Variants in ELMO1 observed in about 807,000 individuals in gnomAD.
ELMO1 encodes engulfment and cell motility 1, also known as engulfment and cell motility protein 1.
Under a neutral mutation model 98.9 loss-of-function variants are expected in ELMO1, and 26 were observed. That is an observed-to-expected ratio of 0.26 (90% CI 0.19 to 0.36). The LOEUF is 0.36. Among genes scored for constraint, ELMO1 ranks in the 10% least tolerant of loss-of-function variants. The probability of loss-of-function intolerance (pLI) is 1.00; values close to 1 mark genes in which losing one functional copy is unlikely to be tolerated. For synonymous variants in ELMO1, 346 were observed against 346.0 expected (o/e 1.00, Z 0.00); for missense variants, 627 against 935.2 (o/e 0.67, Z 4.30).
chr7:36,974,933 C>T (rs1790394252), intron 16 of ELMO1, among the ~76,000 whole-genome samples: 1 of 152,106 alleles, frequency 6.6e-6, no homozygotes, highest in South Asian at 2.1e-4. Flanking sequence ...CAACTTCACT[C>T]CTGAGCCAGC....
chr7:37,360,097 C>T (rs1438963427), intron 1 of ELMO1, among the ~76,000 whole-genome samples: 2 of 152,166 alleles, frequency 1.3e-5, no homozygotes, highest in African/African-American at 4.8e-5. Context: ...TTTACCTTTT[C>T]ACTTCATGAA....
intron 1 of ELMO1, among the ~76,000 whole-genome samples, chr7:37,358,842 C>T (rs1037375554): frequency 1.2e-4 from 19 of 152,162 alleles, no homozygotes; most frequent in African/African-American, 4.6e-4. Flanking sequence ...GAAGAACAGA[C>T]TGGCATGGGG....
intron 15 of ELMO1, among the ~76,000 whole-genome samples, chr7:37,059,321 A>C (rs967834449): frequency 6.6e-6 from 1 of 152,194 alleles, no homozygotes; most frequent in Non-Finnish European, 1.5e-5. Flanking sequence ...AAATTATTTC[A>C]AGGCAGGAAT....
At chr7:37,013,728 T>C (rs1318405178) in intron 15 of ELMO1, 1 of 322,340 alleles carries the variant, frequency 3.1e-6, no homozygotes, top group Non-Finnish European at 5.9e-6. Context: ...AACTGCTGTG[T>C]TGATTATGAG....
intron 15 of ELMO1, among the ~76,000 whole-genome samples, chr7:37,036,208 T>A (rs983204537): frequency 7.2e-5 from 11 of 152,086 alleles, no homozygotes; most frequent in Admixed American, 2.0e-4. Flanking sequence ...TCCAACCTAT[T>A]TATTGAAAAA....
intron 14 of ELMO1, among the ~76,000 whole-genome samples, chr7:37,117,780 A>G (rs1785703047): frequency 6.6e-6 from 1 of 152,240 alleles, no homozygotes; most frequent in Non-Finnish European, 1.5e-5. Flanking sequence ...GAATTATGAG[A>G]CAAAGAATCA....
chr7:37,032,736 G>A (rs1794947210), intron 15 of ELMO1, among the ~76,000 whole-genome samples: 1 of 152,160 alleles, frequency 6.6e-6, no homozygotes, highest in South Asian at 2.1e-4. Flanking sequence ...AAACTGTTGG[G>A]TTCTGTGCCA....
rs755378154 is a variant in ELMO1 at position 37,216,708 on chromosome 7, AAC to A, written c.781-15_781-14del. On this transcript the variant is annotated splice_polypyrimidine_tract_variant and intron_variant, in intron 10 of 21. Coordinates refer to ENST00000310758, the MANE Select transcript of ELMO1 (RefSeq NM_014800.11). ...TATTCGCCATCTCCTGTGGAAGAAA[AAC>A]ACACCCACACAAAGGCTTAGGTTAG... is the stretch of plus-strand genomic sequence containing the variant. 2.7e-5 allele frequency: 43 copies of A among 1,614,090 alleles called. No individual in the cohort carries two copies. The East Asian group carries it at 9.1e-4, about 34-fold the overall frequency.
chr7:37,416,074 C>T (rs535615034), intron 1 of ELMO1, among the ~76,000 whole-genome samples: 26 of 152,286 alleles, frequency 1.7e-4, no homozygotes, highest in African/African-American at 5.3e-4. Context: ...TTCAGATTTG[C>T]GGCTGACCTA....
chr7:36,924,427 A>G (rs1480179090), intron 16 of ELMO1, among the ~76,000 whole-genome samples: 2 of 152,146 alleles, frequency 1.3e-5, no homozygotes, highest in Non-Finnish European at 1.5e-5. Flanking sequence ...GGAACCCCAA[A>G]TACTGAAACA....
At chr7:37,126,300 A>AATATATATATATATATATAT (rs201860679) in intron 14 of ELMO1, among the ~76,000 whole-genome samples, 10 of 134,112 alleles carry the variant, frequency 7.5e-5, no homozygotes, top group Non-Finnish European at 8.0e-5. Context: ...GTATAATTTA[A>AATATATATATATATATATAT]ATATATATAT....
At chr7:36,962,704 G>C (rs182940488) in intron 16 of ELMO1, among the ~76,000 whole-genome samples, 1 of 152,038 alleles carries the variant, frequency 6.6e-6, no homozygotes, top group Admixed American at 6.6e-5. Flanking sequence ...GCACAACAAA[G>C]GAAATCTAAA....
At chr7:36,886,016 C>T (rs1375526477) in intron 18 of ELMO1, among the ~76,000 whole-genome samples, 1 of 152,178 alleles carries the variant, frequency 6.6e-6, no homozygotes, top group Non-Finnish European at 1.5e-5. Context: ...CAAGATCGCA[C>T]CCACATTGCC....
intron 1 of ELMO1, among the ~76,000 whole-genome samples, chr7:37,369,672 TAAA>T (rs74272020): frequency 3.2e-5 from 4 of 124,204 alleles, no homozygotes; most frequent in Non-Finnish European, 1.7e-5. Context: ...GCCCAAAATG[TAAA>T]AAAAAAAAAA....
At chr7:37,166,152 G>GTA (rs1789672726) in intron 13 of ELMO1, among the ~76,000 whole-genome samples, 1 of 152,110 alleles carries the variant, frequency 6.6e-6, no homozygotes, top group African/African-American at 2.4e-5. Flanking sequence ...ATCTCTGATG[G>GTA]TAGTTTGTAT....
intron 1 of ELMO1, among the ~76,000 whole-genome samples, chr7:37,362,306 A>C (rs1333734771): frequency 6.6e-6 from 1 of 151,986 alleles, no homozygotes; most frequent in Non-Finnish European, 1.5e-5. Flanking sequence ...CTAGGTATTG[A>C]GCACAAGACA....
chr7:36,990,397 T>C (rs1192153039), intron 16 of ELMO1, among the ~76,000 whole-genome samples: 1 of 152,112 alleles, frequency 6.6e-6, no homozygotes, highest in Non-Finnish European at 1.5e-5. Context: ...CTCCACAGGC[T>C]CCACATGGAT....
At chr7:37,443,279 T>C (rs527937540) in intron 1 of ELMO1, among the ~76,000 whole-genome samples, 68 of 152,354 alleles carry the variant, frequency 4.5e-4, no homozygotes, top group African/African-American at 1.6e-3. Context: ...TTTTGTTTTC[T>C]ACCTTAACTG....
rs535791398 is a variant in ELMO1 at position 37,193,905 on chromosome 7, C to T, written c.1086+17481G>A. Among the ~76,000 whole-genome samples, 412 of 152,290 alleles carry T rather than the reference C, an allele frequency of 2.7e-3. 2 individuals carry two copies. The highest frequency in any genetic ancestry group is 3.3e-3 in the Non-Finnish European group (227 of 68,022). On this transcript the variant is annotated intron_variant, in intron 13 of 21. Coordinates refer to ENST00000310758, the MANE Select transcript of ELMO1 (RefSeq NM_014800.11). ...TCTAGTACACACTTAGAGAAGAACC[C>T]ACTCTAGGCTTCAGCAAATGATCTC...
Sources: allele counts gnomAD v4.1 joint callset (sites outside exome capture counted in the v4.1 genomes callset), GRCh38; gene constraint gnomAD v4.1.1; transcripts MANE v1.5; gene names NCBI Gene and HGNC (gene_info 2026-07-23, HGNC 2026-07-21).